Variants in TCF4 observed in about 807,000 individuals in gnomAD.
TCF4 encodes the protein SL3-3 enhancer factor 2.
Under a neutral mutation model 82.1 loss-of-function variants are expected in TCF4, and 3 were observed. The ratio of observed to expected loss-of-function variants is 0.04; its 90% CI spans 0.02 to 0.09. The LOEUF (loss-of-function observed/expected upper bound fraction) is 0.09, where lower values mean the gene tolerates loss of function less well. Ranked by LOEUF, TCF4 falls within the 10% of genes least tolerant of loss-of-function variation. The probability of loss-of-function intolerance (pLI) is 1.00; values close to 1 mark genes in which losing one functional copy is unlikely to be tolerated. For synonymous variants in TCF4, 276 were observed against 309.6 expected, an observed-to-expected ratio of 0.89 and a Z score of 1.14; for missense variants, 518 against 852.7, an observed-to-expected ratio of 0.61 and a Z score of 4.89.
intron 3 of TCF4, among the ~76,000 whole-genome samples, chr18:55,467,869 G>A (rs1023345174): frequency 3.9e-5 from 6 of 152,152 alleles, no homozygotes; most frequent in Non-Finnish European, 7.3e-5. Context: ...GTCAGACACT[G>A]CGCTAAACTC....
At chr18:55,269,734 C>T (rs986372312) in intron 11 of TCF4, 97 bp downstream of exon 11, 20 of 1,481,264 alleles carry the variant, frequency 1.4e-5, no homozygotes, top group South Asian at 5.8e-5. Context: ...TATTTAGTGC[C>T]TAATTGCTAT....
chr18:55,629,804 A>C (rs765962070), intron 2 of TCF4, among the ~76,000 whole-genome samples: 2 of 152,238 alleles, frequency 1.3e-5, no homozygotes, highest in African/African-American at 4.8e-5. Flanking sequence ...TGAACCATGC[A>C]CAATTGAAAT....
intron 3 of TCF4, among the ~76,000 whole-genome samples, chr18:55,558,038 C>G (rs1459703506): frequency 3.3e-5 from 5 of 152,028 alleles, no homozygotes; most frequent in Non-Finnish European, 4.4e-5. Flanking sequence ...GATTCAATTT[C>G]TACAAAAAGT....
rs2097733742 is a variant in TCF4 at position 55,633,905 on chromosome 18, A to G, written c.195+1798T>C. ...ACAAAAAAGGCACAAAACAACAACA[A>G]CAACAACAACAACAACAACAACGAA... On this transcript the variant is annotated intron_variant, in intron 1 of 20. Transcript: ENST00000398339. This position sits in a 1 kb window ranked among gnomAD's most constrained non-coding sequence, Gnocchi z 4.0. Among the ~76,000 whole-genome samples, 1 of 152,060 alleles carries G rather than the reference A, an allele frequency of 6.6e-6. No individual in the cohort carries two copies. The highest frequency in any genetic ancestry group is 1.5e-5 in the Non-Finnish European group (1 of 68,008).
chr18:55,588,038 C>T lies in TCF4; in HGVS notation c.-21G>A, dbSNP rs113414846. The T allele has an allele frequency of 1.0e-6, 1 of 982,816 alleles. No homozygotes were observed. The highest frequency in any genetic ancestry group is 1.2e-6 in the Non-Finnish European group (1 of 828,950). The allele number at this position is 982,816 out of a possible 1,614,324, so 60.9% of individuals were successfully genotyped here. On this transcript the variant is annotated splice_region_variant and 5_prime_UTR_variant, in exon 1 of 20. Coordinates refer to ENST00000354452, the MANE Select transcript of TCF4 (RefSeq NM_001083962.2). ...GAGCCCCGCAGGCGCCGGTACCTAC[C>T]GCCCGCGCGCGAGAAGGGGCTCTCC...
intron 2 of TCF4, among the ~76,000 whole-genome samples, chr18:55,605,736 TC>T (rs1429528771): frequency 6.6e-6 from 1 of 152,160 alleles, no homozygotes; most frequent in Non-Finnish European, 1.5e-5. Context: ...TCACACATAC[TC>T]CAAAACCTGA....
intron 11 of TCF4, chr18:55,268,209 C>T (rs2059611031): frequency 6.6e-6 from 1 of 151,980 alleles, no homozygotes; most frequent in East Asian, 1.9e-4. Flanking sequence ...ACCTTCATAC[C>T]TTCCTAAAAA....
At chr18:55,312,495 C>T (rs1210193178) in intron 8 of TCF4, among the ~76,000 whole-genome samples, 2 of 152,018 alleles carry the variant, frequency 1.3e-5, no homozygotes, top group Non-Finnish European at 1.5e-5. Flanking sequence ...GAAACAATTC[C>T]GTATGGTTTT....
At chr18:55,302,251 C>G (rs1471180526) in intron 8 of TCF4, among the ~76,000 whole-genome samples, 7 of 152,190 alleles carry the variant, frequency 4.6e-5, no homozygotes, top group Non-Finnish European at 8.8e-5. Context: ...GGTAAAGTAA[C>G]CCGGGCAGAG....
intron 6 of TCF4, among the ~76,000 whole-genome samples, chr18:55,351,488 C>T (rs544196568): frequency 1.3e-5 from 2 of 152,140 alleles, no homozygotes; most frequent in East Asian, 1.9e-4. Context: ...TGATTCTCCA[C>T]GAACTGACAT....
At chr18:55,427,973 C>G (rs2095054675) in intron 5 of TCF4, among the ~76,000 whole-genome samples, 1 of 152,084 alleles carries the variant, frequency 6.6e-6, no homozygotes, top group African/African-American at 2.4e-5. Flanking sequence ...ATGAAAAGTG[C>G]AAACAACTAT....
At chr18:55,392,088 T>C (rs1603440925) in intron 6 of TCF4, among the ~76,000 whole-genome samples, 1 of 138,706 alleles carries the variant, frequency 7.2e-6, no homozygotes, top group African/African-American at 2.7e-5. Context: ...CTCAGCCTCC[T>C]GAGTAGCTGG....
chr18:55,401,383 A>T lies in TCF4; in HGVS notation c.369+2071T>A, dbSNP rs1302831350. On this transcript the variant is annotated intron_variant, in intron 6 of 19. Coordinates refer to ENST00000354452, the MANE Select transcript of TCF4 (RefSeq NM_001083962.2). ...TCACAACCATGAAGCACAAATTAAG[A>T]ATGAAGGAATCTCCACACTCCACGG... 4 of 1,104,886 alleles carry T rather than the reference A, an allele frequency of 3.6e-6. No individual in the cohort carries two copies. The African/African-American group carries it at 6.6e-5, about 18-fold the overall frequency. 68.4% of individuals were successfully genotyped at this position (1,104,886 alleles called of 1,614,324 possible).
At chr18:55,442,107 C>T (rs1486406931) in intron 5 of TCF4, among the ~76,000 whole-genome samples, 1 of 152,056 alleles carries the variant, frequency 6.6e-6, no homozygotes, top group African/African-American at 2.4e-5. Flanking sequence ...GAACAATGTG[C>T]AAAATAGTCC....
chr18:55,308,904 T>C (rs2071269327), intron 8 of TCF4, among the ~76,000 whole-genome samples: 1 of 152,188 alleles, frequency 6.6e-6, no homozygotes, highest in Non-Finnish European at 1.5e-5. Flanking sequence ...TTTTAATCCC[T>C]CAATGCTTCC....
chr18:55,254,798 C>T, intron 14 of TCF4, 98 bp from the exon 15 acceptor site: 2 of 1,054,094 alleles, frequency 1.9e-6, no homozygotes, highest in Non-Finnish European at 2.9e-6. Flanking sequence ...CACTGTGTTT[C>T]TAAATACATG....
chr18:55,523,726 A>G (rs530257191), intron 3 of TCF4, among the ~76,000 whole-genome samples: 2 of 152,096 alleles, frequency 1.3e-5, no homozygotes, highest in South Asian at 2.1e-4. Context: ...TACTGAACTA[A>G]TAAGAGGGAA....
intron 5 of TCF4, among the ~76,000 whole-genome samples, chr18:55,460,174 T>G (rs2095845855): frequency 6.6e-6 from 1 of 152,146 alleles, no homozygotes; most frequent in African/African-American, 2.4e-5. Flanking sequence ...TAACTTCACT[T>G]ATTGACAGAT....
chr18:55,448,546 G>A (rs2095565537), intron 5 of TCF4, among the ~76,000 whole-genome samples: 1 of 152,162 alleles, frequency 6.6e-6, no homozygotes, highest in African/African-American at 2.4e-5. Context: ...TAGACCCACT[G>A]CCTACACAAA....
Sources: gnomAD v4.1 joint callset for allele counts (sites outside exome capture counted in the v4.1 genomes callset) on GRCh38, gnomAD v4.1.1 for gene constraint, Gnocchi (gnomAD v3.1) non-coding constraint, MANE v1.5 for transcripts, NCBI Gene and HGNC (gene_info 2026-07-23, HGNC 2026-07-21) for gene names.